Variants in ZNF407 observed in about 807,000 individuals in gnomAD.
The protein encoded by ZNF407 is zinc finger protein 407.
Under a neutral mutation model 131.2 loss-of-function variants are expected in ZNF407, and 17 were observed. The observed-to-expected ratio is 0.13, with a 90% CI of 0.09 to 0.19. The LOEUF is 0.19. ZNF407 is among the 10% of genes least tolerant of loss of function. The probability of loss-of-function intolerance (pLI) is 1.00; values close to 1 mark genes in which losing one functional copy is unlikely to be tolerated. For synonymous variants in ZNF407, 1,156 were observed against 1,062.0 expected (o/e 1.09, Z -1.72); for missense variants, 2,681 against 2,830.6 (o/e 0.95, Z 1.20).
intron 7 of ZNF407, among the ~76,000 whole-genome samples, chr18:74,914,860 G>A (rs1239006119): frequency 6.6e-6 from 1 of 152,140 alleles, no homozygotes; most frequent in African/African-American, 2.4e-5. Flanking sequence ...TGAATCCCCA[G>A]GGAAACTGCT....
At chr18:74,924,971 A>G (rs1247901502) in intron 8 of ZNF407, among the ~76,000 whole-genome samples, 2 of 152,222 alleles carry the variant, frequency 1.3e-5, no homozygotes, top group African/African-American at 4.8e-5. Flanking sequence ...CATCAAAGCT[A>G]TGAAGTTGAT....
At chr18:74,963,570 A>G (rs762981740) in intron 8 of ZNF407, among the ~76,000 whole-genome samples, 6 of 152,186 alleles carry the variant, frequency 3.9e-5, no homozygotes, top group Non-Finnish European at 7.3e-5. Flanking sequence ...TCTGCATTGT[A>G]GTGGACCCAA....
At position 74,748,361 on chromosome 18, in the gene ZNF407, C is replaced by T. The variant is rs372055698; in HGVS notation, c.4803-33067C>T. Among the ~76,000 whole-genome samples the T allele has an allele frequency of 5.3e-5, 8 of 150,910 alleles. No homozygotes were observed. In the East Asian group the frequency reaches 1.6e-3, roughly 29 times the overall value. On this transcript the variant is annotated intron_variant, in intron 3 of 8. Coordinates refer to ENST00000299687, the MANE Select transcript of ZNF407 (RefSeq NM_017757.3). ...TAATATATATCTGGACAACACTGAT[C>T]AGAAAAAGCTTGGGTTTTACTATTG...
At chr18:74,990,634 T>C (rs1258694539) in intron 8 of ZNF407, among the ~76,000 whole-genome samples, 1 of 152,200 alleles carries the variant, frequency 6.6e-6, no homozygotes, top group Non-Finnish European at 1.5e-5. Flanking sequence ...TTTGAACTTA[T>C]TTTTGCAGAA....
At chr18:74,867,072 A>G (rs1971022863) in intron 4 of ZNF407, among the ~76,000 whole-genome samples, 1 of 152,006 alleles carries the variant, frequency 6.6e-6, no homozygotes, top group Non-Finnish European at 1.5e-5. Context: ...ATTAACAATA[A>G]ATAGTGATGG....
chr18:75,025,965 A>G (rs1003591633), intron 8 of ZNF407, among the ~76,000 whole-genome samples: 1 of 152,326 alleles, frequency 6.6e-6, no homozygotes. Flanking sequence ...TCAGTTTGTT[A>G]TAAATAACAC....
At chr18:74,845,628 ATAAC>A (rs141452400) in intron 4 of ZNF407, among the ~76,000 whole-genome samples, 12,126 of 152,262 alleles carry the variant, frequency 0.08, 615 homozygotes, top group South Asian at 0.17. Context: ...AAATTACACT[ATAAC>A]TAAAAGCTTA....
At chr18:75,003,178 G>A (rs1972868148) in intron 8 of ZNF407, among the ~76,000 whole-genome samples, 1 of 152,196 alleles carries the variant, frequency 6.6e-6, no homozygotes, top group Admixed American at 6.5e-5. Context: ...CCTAAAGAGA[G>A]CTTATCATTG....
intron 3 of ZNF407, among the ~76,000 whole-genome samples, chr18:74,725,816 A>G: frequency 6.6e-6 from 1 of 152,184 alleles, no homozygotes; most frequent in East Asian, 1.9e-4. Flanking sequence ...ATATTAAGCA[A>G]TACTTGTTAA....
At chr18:74,954,228 A>G (rs1375430653) in intron 8 of ZNF407, among the ~76,000 whole-genome samples, 2 of 152,178 alleles carry the variant, frequency 1.3e-5, no homozygotes, top group Non-Finnish European at 2.9e-5. Flanking sequence ...TCAAAAACCA[A>G]CTTACCCAGA....
At chr18:75,040,750 A>T (rs1973363155) in intron 8 of ZNF407, among the ~76,000 whole-genome samples, 1 of 152,162 alleles carries the variant, frequency 6.6e-6, no homozygotes, top group Non-Finnish European at 1.5e-5. Context: ...ATGCTGCTAC[A>T]GTTAATTAAC....
At chr18:74,921,100 G>C (rs1971840793) in intron 8 of ZNF407, 1 of 799,310 alleles carries the variant, frequency 1.3e-6, no homozygotes, top group Admixed American at 6.2e-5. Context: ...TCTAGTGAAT[G>C]CCTAGAAAGA....
chr18:74,969,189 G>A (rs111530489), intron 8 of ZNF407, among the ~76,000 whole-genome samples: 188 of 152,234 alleles, frequency 1.2e-3, no homozygotes, highest in African/African-American at 4.3e-3. Context: ...ATAATTTATG[G>A]TGAAAGCATT....
chr18:74,884,833 G>T (rs1253132934), intron 6 of ZNF407, among the ~76,000 whole-genome samples: 1 of 152,136 alleles, frequency 6.6e-6, no homozygotes, highest in Non-Finnish European at 1.5e-5. Context: ...GCAGCTCAGA[G>T]ATCTTAGATG....
chr18:74,632,222 C>T lies in ZNF407; in HGVS notation c.1203C>T (p.Thr401=), dbSNP rs144421339. Residue 401 remains threonine (T), a synonymous_variant, in exon 2 of 9, where the codon ACC becomes ACT. Coordinates refer to ENST00000299687, the MANE Select transcript of ZNF407 (RefSeq NM_017757.3). ...AGAAATTGGAATCTACAAAAAATAC[C>T]CTTCAGGCAGCACACGGTAACAGTG... ...LLEKLESTKN[T]LQAAHGNSVT... is the part of the protein sequence containing the mutation. 190 of 1,613,882 alleles carry T rather than the reference C, an allele frequency of 1.2e-4. 2 individuals carry two copies. The East Asian group carries it at 4.1e-3, about 35-fold the overall frequency.
intron 8 of ZNF407, among the ~76,000 whole-genome samples, chr18:74,945,103 A>G (rs1174546328): frequency 1.3e-5 from 2 of 152,160 alleles, no homozygotes; most frequent in African/African-American, 4.8e-5. Flanking sequence ...AAGACAGTTT[A>G]TGAATTACTT....
At chr18:74,707,527 C>CT (rs1967654603) in intron 3 of ZNF407, among the ~76,000 whole-genome samples, 1 of 152,082 alleles carries the variant, frequency 6.6e-6, no homozygotes, top group Non-Finnish European at 1.5e-5. Flanking sequence ...TGAGCATATT[C>CT]TTTGAGTGTT....
At chr18:74,807,592 T>C (rs936713727) in intron 4 of ZNF407, among the ~76,000 whole-genome samples, 2 of 152,204 alleles carry the variant, frequency 1.3e-5, no homozygotes, top group Admixed American at 6.5e-5. Flanking sequence ...TAATTTCAAG[T>C]GTAGAATAAA....
intron 1 of ZNF407, among the ~76,000 whole-genome samples, chr18:74,621,259 C>A (rs1248662256): frequency 6.6e-6 from 1 of 151,870 alleles, no homozygotes; most frequent in African/African-American, 2.4e-5. Flanking sequence ...ATAGGTAATT[C>A]CTTTAGGAGT....
Sources: gnomAD v4.1 joint callset for allele counts (sites outside exome capture counted in the v4.1 genomes callset) on GRCh38, gnomAD v4.1.1 for gene constraint, MANE v1.5 for transcripts, NCBI Gene and HGNC (gene_info 2026-07-23, HGNC 2026-07-21) for gene names.